The following CNGA1 variants were observed in gnomAD, a reference collection of about 807,000 sequenced individuals.
CNGA1 encodes cyclic nucleotide gated channel subunit alpha 1.
A neutral mutation model predicts 69.7 loss-of-function variants in CNGA1; 53 were observed. The ratio of observed to expected loss-of-function variants is 0.76; its 90% CI spans 0.61 to 0.96. The LOEUF is 0.96. CNGA1 is among the 40% of genes least tolerant of loss of function. The pLI is 0.00. For synonymous variants in CNGA1, 249 were observed against 283.5 expected (o/e 0.88, Z 1.22); for missense variants, 739 against 811.2 (o/e 0.91, Z 1.08).
At chr4:48,008,583 A>C (rs2109353799) in intron 2 of CNGA1, among the ~76,000 whole-genome samples, 1 of 152,234 alleles carries the variant, frequency 6.6e-6, no homozygotes, top group Non-Finnish European at 1.5e-5. Context: ...ATTCTAAATT[A>C]TGACAAGTTT....
intron 2 of CNGA1, among the ~76,000 whole-genome samples, chr4:47,999,798 G>A (rs561022053): frequency 1.3e-5 from 2 of 152,284 alleles, no homozygotes; most frequent in Admixed American, 1.3e-4. Flanking sequence ...TTGAACCCAG[G>A]AGGCAGAGGT....
intron 3 of CNGA1, among the ~76,000 whole-genome samples, chr4:47,974,075 GATA>G (rs1741204276): frequency 1.5e-5 from 1 of 67,142 alleles, no homozygotes; most frequent in African/African-American, 6.1e-5. Context: ...TCTCTAGATA[GATA>G]GATAGATAGA....
At chr4:47,957,257 A>C (rs1377228317) in intron 3 of CNGA1, among the ~76,000 whole-genome samples, 1 of 152,088 alleles carries the variant, frequency 6.6e-6, no homozygotes. Flanking sequence ...ACATTAGTCT[A>C]ACCTTTCAAG....
At chr4:47,981,981 AG>A (rs1344301354) in intron 2 of CNGA1, among the ~76,000 whole-genome samples, 1 of 152,188 alleles carries the variant, frequency 6.6e-6, no homozygotes, top group Non-Finnish European at 1.5e-5. Flanking sequence ...TATTTTATGG[AG>A]GAATTGCATA....
At chr4:48,014,273 G>A (rs570962343) in intron 1 of CNGA1, among the ~76,000 whole-genome samples, 7 of 152,066 alleles carry the variant, frequency 4.6e-5, no homozygotes, top group South Asian at 2.1e-4. Context: ...GTACTATAAC[G>A]GTATTCCCCA....
At chr4:47,989,486 AT>A in intron 2 of CNGA1, among the ~76,000 whole-genome samples, 1 of 152,048 alleles carries the variant, frequency 6.6e-6, no homozygotes. Context: ...GGTAACTGAA[AT>A]TTCAAGCCCC....
chr4:47,943,642 C>G (rs1739226867), intron 6 of CNGA1, among the ~76,000 whole-genome samples: 1 of 152,026 alleles, frequency 6.6e-6, no homozygotes, highest in Admixed American at 6.5e-5. Flanking sequence ...GAAATAGAAA[C>G]AAATGGAGAT....
intron 3 of CNGA1, among the ~76,000 whole-genome samples, chr4:47,957,191 C>A (rs1740140863): frequency 6.6e-6 from 1 of 152,184 alleles, no homozygotes; most frequent in South Asian, 2.1e-4. Context: ...CCACCTCAGT[C>A]TCCCAAAGTG....
chr4:47,941,004 T>TA (rs1739040542), intron 9 of CNGA1, 135 bp from the exon 10 acceptor site: 2 of 625,730 alleles, frequency 3.2e-6, no homozygotes, highest in East Asian at 5.6e-5. Context: ...TAGAGTCCTT[T>TA]AATTAACCAT....
chr4:47,962,714 T>C (rs982329921), intron 3 of CNGA1, among the ~76,000 whole-genome samples: 1 of 152,198 alleles, frequency 6.6e-6, no homozygotes, highest in East Asian at 1.9e-4. Flanking sequence ...CTCGTTACAC[T>C]GATTTCTAAT....
rs370983023 is a variant in CNGA1 at position 47,949,872 on chromosome 4, A to G, written c.248T>C (p.Ile83Thr). 14 of 1,613,974 alleles carry G rather than the reference A, an allele frequency of 8.7e-6. No individual in the cohort carries two copies. Among genetic ancestry groups the G allele is most frequent in the Non-Finnish European group, 1.2e-5 (14 of 1,179,982 alleles). Residue 83 changes from isoleucine to threonine, a missense_variant, in exon 6 of 11, where the codon ATT becomes ACT. Physicochemically the swap from Ile to Thr is moderately conservative, Grantham distance 89. Coordinates refer to ENST00000514170, the MANE Select transcript of CNGA1 (RefSeq NM_001379270.1). ...GCTGTTGTTCACATTAAAAAGTGCA[A>G]TGGCACCAGGCAGGTACTGCTCCCT... ...SQREQYLPGA[I>T]ALFNVNNSSN...
chr4:47,949,783 T>C (rs1472001881), intron 6 of CNGA1, 50 bp downstream of exon 6: 3 of 1,392,736 alleles, frequency 2.2e-6, no homozygotes, highest in Non-Finnish European at 3.1e-6. Flanking sequence ...ACATTTTTAC[T>C]GGTTTTCTTT....
intron 6 of CNGA1, among the ~76,000 whole-genome samples, chr4:47,944,809 G>T (rs1739297003): frequency 6.6e-6 from 1 of 152,138 alleles, no homozygotes; most frequent in South Asian, 2.1e-4. Flanking sequence ...AGGGATAATA[G>T]GATCTAGAAA....
intron 10 of CNGA1, among the ~76,000 whole-genome samples, chr4:47,940,091 A>G (rs1464871033): frequency 6.6e-6 from 1 of 152,204 alleles, no homozygotes; most frequent in Non-Finnish European, 1.5e-5. Context: ...CCTCTGATAC[A>G]TTACACTAGG....
intron 3 of CNGA1, among the ~76,000 whole-genome samples, chr4:47,976,220 CATATATATATACATATATATGT>C (rs1741371470): frequency 1.9e-5 from 1 of 53,466 alleles, no homozygotes; most frequent in South Asian, 4.9e-4. Context: ...TATACACATA[CATATATATATACATATATATGT>C]ATATATATAT....
At chr4:47,972,528 T>C (rs924873380) in intron 3 of CNGA1, among the ~76,000 whole-genome samples, 8 of 152,212 alleles carry the variant, frequency 5.3e-5, no homozygotes, top group Non-Finnish European at 1.2e-4. Context: ...CTGACCAACA[T>C]TTAATATTGT....
intron 2 of CNGA1, among the ~76,000 whole-genome samples, chr4:48,004,366 CT>C (rs1314454424): frequency 3.3e-5 from 5 of 152,134 alleles, no homozygotes; most frequent in Non-Finnish European, 5.9e-5. Flanking sequence ...GCCCAGCTGT[CT>C]TTTTTTAATC....
chr4:47,962,595 T>A (rs554719967), intron 3 of CNGA1, among the ~76,000 whole-genome samples: 1 of 152,270 alleles, frequency 6.6e-6, no homozygotes, highest in East Asian at 1.9e-4. Flanking sequence ...AATCTGGAAC[T>A]CAGAAAATGT....
chr4:47,936,492 G>T lies in CNGA1; in HGVS notation c.1990C>A (p.Pro664Thr), dbSNP rs750831228. 4.0e-5 allele frequency: 64 copies of T among 1,614,012 alleles called. No homozygotes were observed. The highest frequency in any genetic ancestry group is 5.2e-5 in the Non-Finnish European group (61 of 1,180,036). The change falls in exon 11 of 11, where the codon CCG becomes ACG. Residue 664 changes from proline (P) to threonine (T), a missense_variant. Physicochemically the swap from Pro to Thr is conservative, Grantham distance 38. Coordinates refer to ENST00000514170, the MANE Select transcript of CNGA1 (RefSeq NM_001379270.1). The part of the protein sequence containing the change: ...RLTKVEKFLK[P>T]LIDTEFSSIE... ...CTTGAAAATTCTGTGTCAATAAGCG[G>T]TTTCAGAAATTTCTCAACCTTGGTT... is the stretch of plus-strand genomic sequence containing the variant.
Sources: gnomAD v4.1 joint callset for allele counts (sites outside exome capture counted in the v4.1 genomes callset) on GRCh38, gnomAD v4.1.1 for gene constraint, MANE v1.5 for transcripts, NCBI Gene and HGNC (gene_info 2026-07-23, HGNC 2026-07-21) for gene names.